The following TMEM31 variants were observed in gnomAD, a reference collection of about 807,000 sequenced individuals.
TMEM31 encodes transmembrane protein 31.
In TMEM31, 1 loss-of-function variant was observed where a neutral mutation model predicts 2.4. That is an observed-to-expected ratio of 0.42 (90% CI 0.15 to 1.97). The LOEUF (loss-of-function observed/expected upper bound fraction) is 1.97. Among genes scored for constraint, TMEM31 ranks in the 30% most tolerant of loss-of-function variants. TMEM31 has a pLI of 0.30. For missense variants in TMEM31, 119 were observed against 121.3 expected, an observed-to-expected ratio of 0.98 and a Z score of 0.09; for synonymous variants, 47 against 45.8, an observed-to-expected ratio of 1.03 and a Z score of -0.10.
At chrX:103,712,179 T>C (rs1302744019) in intron 1 of TMEM31, 57 bp from the exon 2 acceptor site, 6 of 924,675 alleles carry the variant, frequency 6.5e-6, no homozygotes, top group Non-Finnish European at 4.5e-6. Flanking sequence ...GTCTGGGCAA[T>C]TGGGGGTAAA....
chrX:103,713,486 G>T (rs746477961), intron 2 of TMEM31, 108 bp from the exon 3 acceptor site: 3 of 1,193,835 alleles, frequency 2.5e-6, no homozygotes, highest in Non-Finnish European at 3.4e-6. Flanking sequence ...GTCCAAAGGA[G>T]AAAGGCAGTG....
At chrX:103,712,875 A>G (rs945183405) in intron 2 of TMEM31, among the ~76,000 whole-genome samples, 10 of 112,067 alleles carry the variant, frequency 8.9e-5, no homozygotes, top group Non-Finnish European at 1.9e-4. Context: ...CTACTAGCTA[A>G]CATATCTTCA....
chrX:103,713,818 C>A lies in TMEM31; in HGVS notation c.327C>A (p.Ser109=). The change falls in exon 3 of 3, where the codon TCC becomes TCA. Residue 109 remains serine, a synonymous_variant. Coordinates refer to ENST00000319560, the MANE Select transcript of TMEM31 (RefSeq NM_182541.2). ...TTAAAGAAGCCTTCCATGACATATC[C>A]CATTGTCTGAAAGCCCAGATGGAAA... ...LVFKEAFHDI[S]HCLKAQMEKI... 8.3e-7 allele frequency: 1 copy of A among 1,211,620 alleles called. No individual in the cohort carries two copies. Among genetic ancestry groups the A allele is most frequent in the East Asian group, 3.0e-5 (1 of 33,831 alleles).
chrX:103,712,109 T>G, intron 1 of TMEM31, 127 bp from the exon 2 acceptor site: 1 of 458,315 alleles, frequency 2.2e-6, no homozygotes, highest in Non-Finnish European at 3.7e-6. Flanking sequence ...ATTGGACACT[T>G]GCTTCTGTGA....
chrX:103,713,724 C>T lies in TMEM31; in HGVS notation c.233C>T (p.Thr78Ile). 8.3e-7 allele frequency: 1 copy of T among 1,211,643 alleles called. No individual in the cohort carries two copies. Among genetic ancestry groups the T allele is most frequent in the Non-Finnish European group, 1.1e-6 (1 of 895,423 alleles). Residue 78 changes from threonine to isoleucine, a missense_variant, in exon 3 of 3, where the codon ACT becomes ATT. By Grantham distance (89) the Thr-to-Ile change is moderately conservative. Coordinates refer to ENST00000319560, the MANE Select transcript of TMEM31 (RefSeq NM_182541.2). ...CTTCTTGAAGTCCTTCCGTGGCCTACTGAGTGGATTTTCAACCCCTATCGA... is the reference window on the plus strand; with the variant it reads ...CTTCTTGAAGTCCTTCCGTGGCCTATTGAGTGGATTTTCAACCCCTATCGA... ...INLLEVLPWPTEWIFNPYRLP... is the reference protein window; with the variant it reads ...INLLEVLPWPIEWIFNPYRLP...
At position 103,712,286 on chromosome X, in the gene TMEM31, GAAC is replaced by G. The variant is rs2074226891; in HGVS notation, c.35_37del (p.Gln12del). Reference sequence around the variant, plus strand: ...GAGGTTAACAGAAAAGAGTGAGGGAGAACAACAACTCAAGCCCAACAACTCTAA... The same window carrying G: ...GAGGTTAACAGAAAAGAGTGAGGGAGAACAACTCAAGCCCAACAACTCTAA... On this transcript the variant is annotated inframe_deletion, in exon 2 of 3. Transcript: ENST00000319560. 4.1e-6 allele frequency: 5 copies of G among 1,208,066 alleles called. No homozygotes were observed. The highest frequency in any genetic ancestry group is 4.4e-5 in the Admixed American group (2 of 45,548).
In TMEM31 at chrX:103,713,802, C is replaced by T. The variant is rs374855110; in HGVS notation, c.311C>T (p.Ala104Val). Residue 104 changes from alanine (A) to valine (V), a missense_variant, in exon 3 of 3, where the codon GCC becomes GTC. Ala to Val is a moderately conservative substitution (Grantham distance 64). Coordinates refer to ENST00000319560, the MANE Select transcript of TMEM31 (RefSeq NM_182541.2). The part of the protein sequence containing the change: ...YPEFLLVFKE[A>V]FHDISHCLKA... Reference sequence around the variant, plus strand: ...GAATTTCTTCTGGTGTTTAAAGAAGCCTTCCATGACATATCCCATTGTCTG... The same window carrying T: ...GAATTTCTTCTGGTGTTTAAAGAAGTCTTCCATGACATATCCCATTGTCTG... The T allele has an allele frequency of 8.3e-7, 1 of 1,211,600 alleles. No homozygotes were observed. Among genetic ancestry groups the T allele is most frequent in the South Asian group, 1.8e-5 (1 of 56,972 alleles).
At position 103,713,683 on chromosome X, in the gene TMEM31, C is replaced by G. The variant is rs767035753; in HGVS notation, c.192C>G (p.Ser64Arg). Residue 64 changes from serine (S) to arginine (R), a missense_variant, in exon 3 of 3, where the codon AGC (serine) becomes AGG (arginine). Physicochemically the swap from Ser to Arg is moderately radical, Grantham distance 110. Coordinates refer to ENST00000319560, the MANE Select transcript of TMEM31 (RefSeq NM_182541.2). ...CACGTAGGACACCTACAACATCCAG[C>G]GACAGAACGATCAACCTTCTTGAAG... Reference protein sequence around the residue: ...LPSRRTPTTSSDRTINLLEVL... With the variant: ...LPSRRTPTTSRDRTINLLEVL... The G allele has an allele frequency of 1.7e-6, 2 of 1,212,081 alleles. No individual in the cohort carries two copies. The highest frequency in any genetic ancestry group is 2.3e-4 in the Middle Eastern group (1 of 4,355).
At chrX:103,712,402 C>A (rs2074227531) in intron 2 of TMEM31, 42 bp downstream of exon 2, 1 of 1,061,487 alleles carries the variant, frequency 9.4e-7, no homozygotes. Flanking sequence ...TATGGGGGTC[C>A]TCTTATAATG....
chrX:103,713,818 C>T lies in TMEM31; in HGVS notation c.327C>T (p.Ser109=). Residue 109 remains serine, a synonymous_variant, in exon 3 of 3, where the codon TCC becomes TCT. Coordinates refer to ENST00000319560, the MANE Select transcript of TMEM31 (RefSeq NM_182541.2). ...TTAAAGAAGCCTTCCATGACATATC[C>T]CATTGTCTGAAAGCCCAGATGGAAA... The part of the protein sequence containing the change: ...LVFKEAFHDI[S]HCLKAQMEKI... 8.3e-7 allele frequency: 1 copy of T among 1,211,620 alleles called. No individual in the cohort carries two copies. The highest frequency in any genetic ancestry group is 1.1e-6 in the Non-Finnish European group (1 of 895,430).
At position 103,713,526 on chromosome X, in the gene TMEM31, T is replaced by C. The variant is rs371639580; in HGVS notation, c.103-68T>C. On this transcript the variant is annotated intron_variant, in intron 2 of 2. Transcript: ENST00000319560. ...GCTCCCTAGTTGTACTCACCAAGCG[T>C]TGGCGCCTCTGCCTTCTTCGAAGTC... The C allele has an allele frequency of 2.6e-5, 31 of 1,209,325 alleles. No homozygotes were observed. In the African/African-American group the frequency reaches 4.7e-4, roughly 18 times the overall value.
chrX:103,712,164 C>A, intron 1 of TMEM31, 72 bp from the exon 2 acceptor site: 4 of 773,034 alleles, frequency 5.2e-6, no homozygotes, highest in Non-Finnish European at 7.5e-6. Context: ...TACCTAGCAC[C>A]TATTGTCTGG....
intron 2 of TMEM31, 187 bp from the exon 3 acceptor site, chrX:103,713,407 T>C: frequency 2.4e-6 from 2 of 847,155 alleles, no homozygotes; most frequent in East Asian, 3.1e-5. Flanking sequence ...GGGTTTCTGA[T>C]TGCCTATCTA....
chrX:103,712,815 C>T (rs1244011184), intron 2 of TMEM31, among the ~76,000 whole-genome samples: 2 of 111,857 alleles, frequency 1.8e-5, no homozygotes, highest in Non-Finnish European at 3.8e-5. Context: ...AGGCGTGAGC[C>T]CCCGTGCCTG....
chrX:103,713,698 C>A lies in TMEM31; in HGVS notation c.207C>A (p.Asn69Lys). The change falls in exon 3 of 3, where the codon AAC becomes AAA. Residue 69 changes from asparagine to lysine, a missense_variant. Physicochemically the swap from Asn to Lys is moderately conservative, Grantham distance 94 (BLOSUM62 0). Coordinates refer to ENST00000319560, the MANE Select transcript of TMEM31 (RefSeq NM_182541.2). ...CAACATCCAGCGACAGAACGATCAACCTTCTTGAAGTCCTTCCGTGGCCTA... is the reference window on the plus strand; with the variant it reads ...CAACATCCAGCGACAGAACGATCAAACTTCTTGAAGTCCTTCCGTGGCCTA... Reference protein sequence around the residue: ...TPTTSSDRTINLLEVLPWPTE... With the variant: ...TPTTSSDRTIKLLEVLPWPTE... 3.3e-6 allele frequency: 4 copies of A among 1,211,972 alleles called. No individual in the cohort carries two copies. Among genetic ancestry groups the A allele is most frequent in the Non-Finnish European group, 4.5e-6 (4 of 895,603 alleles).
At position 103,711,022 on chromosome X, in the gene TMEM31, C is replaced by T. The variant is rs1191773656; in HGVS notation, c.-78C>T. 1 of 110,608 alleles carries T rather than the reference C, an allele frequency of 9.0e-6. No homozygotes were observed. Among genetic ancestry groups the T allele is most frequent in the Admixed American group, 9.6e-5 (1 of 10,375 alleles). The allele number at this position is 110,608 out of a possible 1,213,427, so 9.1% of individuals were successfully genotyped here. A position where few individuals can be genotyped will look rare whatever the true frequency, so the allele number is the denominator to read the frequency against. Reference sequence around the variant, plus strand: ...GTTGCTGGGACATCCATACAGGCAACTTAGCTGGTGAAAGGACTCTGGATT... The same window carrying T: ...GTTGCTGGGACATCCATACAGGCAATTTAGCTGGTGAAAGGACTCTGGATT... On this transcript the variant is annotated 5_prime_UTR_variant, in exon 1 of 3. Coordinates refer to ENST00000319560, the MANE Select transcript of TMEM31 (RefSeq NM_182541.2).
At chrX:103,711,805 C>T (rs763340962) in intron 1 of TMEM31, among the ~76,000 whole-genome samples, 34 of 111,721 alleles carry the variant, frequency 3.0e-4, no homozygotes, top group Admixed American at 2.4e-3. Context: ...ATTTTTAGTG[C>T]GGACATACGG....
intron 1 of TMEM31, among the ~76,000 whole-genome samples, chrX:103,711,639 G>A (rs773755582): frequency 8.9e-6 from 1 of 111,942 alleles, no homozygotes; most frequent in Admixed American, 9.4e-5. Flanking sequence ...TGTAGTTGTG[G>A]ATTAGTCCAC....
rs746995799 is a variant in TMEM31, at chrX:103,713,752, G to A, written c.261G>A (p.Leu87=). ...PTEWIFNPYR[L]PALFELYPEF... is the part of the protein sequence containing the mutation. The stretch of plus-strand genomic sequence containing the variant: ...AGTGGATTTTCAACCCCTATCGATT[G>A]CCTGCTCTTTTTGAGCTTTATCCTG... Residue 87 remains leucine (L), a synonymous_variant, in exon 3 of 3, where the codon TTG becomes TTA. Coordinates refer to ENST00000319560, the MANE Select transcript of TMEM31 (RefSeq NM_182541.2). 8.3e-7 allele frequency: 1 copy of A among 1,211,311 alleles called. No individual in the cohort carries two copies. The highest frequency in any genetic ancestry group is 1.1e-6 in the Non-Finnish European group (1 of 895,453).
Sources: allele counts gnomAD v4.1 joint callset (sites outside exome capture counted in the v4.1 genomes callset), GRCh38; gene constraint gnomAD v4.1.1; transcripts MANE v1.5; gene names NCBI Gene and HGNC (gene_info 2026-07-23, HGNC 2026-07-21).